ANKRD31: variants seen among roughly 807,000 people sequenced by gnomAD.
ANKRD31 encodes the protein ankyrin repeat domain-containing protein 31.
A neutral mutation model predicts 186.0 loss-of-function variants in ANKRD31; 147 were observed. The ratio of observed to expected loss-of-function variants is 0.79; its 90% CI spans 0.69 to 0.91. ANKRD31 has a LOEUF of 0.91. ANKRD31 is among the 40% of genes least tolerant of loss of function. The probability of loss-of-function intolerance (pLI) is 0.00; values close to 1 mark genes in which losing one functional copy is unlikely to be tolerated. For missense variants in ANKRD31, 1,986 were observed against 2,148.8 expected (o/e 0.92, Z 1.50); for synonymous variants, 673 against 736.4 (o/e 0.91, Z 1.39).
Position 75,196,139 on chromosome 5 carries a change from A to C in ANKRD31, c.509T>G (p.Val170Gly). 1 of 1,530,242 alleles carries C rather than the reference A, an allele frequency of 6.5e-7. No homozygotes were observed. The highest frequency in any genetic ancestry group is 1.2e-5 in the South Asian group (1 of 82,226). The allele number at this position is 1,530,242 out of a possible 1,614,324, so 94.8% of individuals were successfully genotyped here. A position where few individuals can be genotyped will look rare whatever the true frequency, so the allele number is the denominator to read the frequency against. ...CTCCTTTACAGCAACTGTATCAGAT[A>C]CTGTAATAGCAGTGCCTGAGAGAAG... Reference protein sequence around the residue: ...VSLLSGTAITVSDTVAVKETS... With the variant: ...VSLLSGTAITGSDTVAVKETS... Residue 170 changes from valine (V) to glycine (G), a missense_variant, in exon 7 of 26, where the codon GTA becomes GGA. Coordinates refer to ENST00000506364, the MANE Select transcript of ANKRD31 (RefSeq NM_001372053.1).
intron 10 of ANKRD31, among the ~76,000 whole-genome samples, chr5:75,171,984 A>C (rs990728076): frequency 1.5e-4 from 23 of 151,948 alleles, no homozygotes; most frequent in African/African-American, 5.1e-4. Context: ...TACACTGATA[A>C]TTATAAATCT....
intron 24 of ANKRD31, 69 bp from the exon 25 acceptor site, chr5:75,080,708 G>A: frequency 1.1e-6 from 1 of 901,732 alleles, no homozygotes; most frequent in South Asian, 2.1e-5. Flanking sequence ...AAATCAGGAT[G>A]ATGGTCACCC....
intron 3 of ANKRD31, 108 bp downstream of exon 3, chr5:75,222,141 G>T: frequency 1.3e-6 from 1 of 778,294 alleles, no homozygotes; most frequent in Non-Finnish European, 1.9e-6. Flanking sequence ...AAGAAAAGAG[G>T]AAAGAAGCAA....
chr5:75,196,021 T>G lies in ANKRD31; in HGVS notation c.627A>C (p.Glu209Asp), dbSNP rs1030329637. The G allele has an allele frequency of 6.5e-7, 1 of 1,533,642 alleles. No homozygotes were observed. The highest frequency in any genetic ancestry group is 1.4e-5 in the African/African-American group (1 of 72,718). ...KEVTMTMTSE[E>D]TKDEESSLET... Reference sequence around the variant, plus strand: ...CAAGAGAGCTTTCTTCATCCTTAGTTTCTTCAGAAGTCATGGTCATTGTGA... The same window carrying G: ...CAAGAGAGCTTTCTTCATCCTTAGTGTCTTCAGAAGTCATGGTCATTGTGA... Residue 209 changes from glutamate to aspartate, a missense_variant, in exon 7 of 26, where the codon GAA becomes GAC. Transcript: ENST00000506364.
At chr5:75,103,480 C>G (rs1356388766) in intron 22 of ANKRD31, among the ~76,000 whole-genome samples, 1 of 152,260 alleles carries the variant, frequency 6.6e-6, no homozygotes, top group South Asian at 2.1e-4. Context: ...ACCATTTGCC[C>G]CAGCAATCCA....
chr5:75,191,284 A>C (rs1313884418), intron 9 of ANKRD31, among the ~76,000 whole-genome samples: 1 of 152,128 alleles, frequency 6.6e-6, no homozygotes, highest in Admixed American at 6.5e-5. Flanking sequence ...TCTGTATTAC[A>C]TATCTTTCCC....
chr5:75,147,365 G>T lies in ANKRD31; in HGVS notation c.2046C>A (p.Tyr682Ter). The change falls in exon 14 of 26, where the codon TAC becomes TAA. Residue 682 changes from tyrosine to a stop codon, truncating the protein, a stop_gained. Coordinates refer to ENST00000506364, the MANE Select transcript of ANKRD31 (RefSeq NM_001372053.1). LOFTEE classifies it high-confidence loss of function. ...FINKEDVYEY[Y>*]QKDPKNTKFG... is the part of the protein sequence containing the mutation. Reference sequence around the variant, plus strand: ...ATTTTGTGTTTTTGGGATCTTTTTGGTAATATTCATATACATCTTCTTTAT... The same window carrying T: ...ATTTTGTGTTTTTGGGATCTTTTTGTTAATATTCATATACATCTTCTTTAT... 1 of 1,531,318 alleles carries T rather than the reference G, an allele frequency of 6.5e-7. No individual in the cohort carries two copies. The highest frequency in any genetic ancestry group is 8.7e-7 in the Non-Finnish European group (1 of 1,144,386). The allele number at this position is 1,531,318 out of a possible 1,614,324, so 94.9% of individuals were successfully genotyped here. A position where few individuals can be genotyped will look rare whatever the true frequency, so the allele number is the denominator to read the frequency against.
intron 12 of ANKRD31, among the ~76,000 whole-genome samples, chr5:75,153,670 A>T (rs988613602): frequency 2.6e-5 from 4 of 152,148 alleles, no homozygotes; most frequent in Non-Finnish European, 5.9e-5. Flanking sequence ...ATGAATGTAG[A>T]GTTGTTACCA....
At chr5:75,125,646 C>CA (rs923083573) in intron 17 of ANKRD31, among the ~76,000 whole-genome samples, 1 of 151,932 alleles carries the variant, frequency 6.6e-6, no homozygotes, top group African/African-American at 2.4e-5. Context: ...CTTTAATATA[C>CA]AAAAAAAGAT....
At chr5:75,131,133 C>T (rs1051325442) in intron 17 of ANKRD31, among the ~76,000 whole-genome samples, 1 of 152,176 alleles carries the variant, frequency 6.6e-6, no homozygotes, top group Non-Finnish European at 1.5e-5. Context: ...GCACCACACG[C>T]AGCCCCAGCT....
chr5:75,196,068 A>C lies in ANKRD31; in HGVS notation c.580T>G (p.Phe194Val). The C allele has an allele frequency of 1.3e-6, 2 of 1,536,770 alleles. No individual in the cohort carries two copies. Among genetic ancestry groups the C allele is most frequent in the South Asian group, 1.2e-5 (1 of 83,974 alleles). Reference sequence around the variant, plus strand: ...GTGACTTCCTTTCTAGGCTCAAAAAATGTATTTGGTGCTGCTAAAATCTTC... The same window carrying C: ...GTGACTTCCTTTCTAGGCTCAAAAACTGTATTTGGTGCTGCTAAAATCTTC... ...PEKILAAPNT[F>V]FEPRKEVTMT... The change falls in exon 7 of 26, where the codon TTT becomes GTT. Residue 194 changes from phenylalanine to valine, a missense_variant. Transcript: ENST00000506364.
chr5:75,110,029 C>T (rs2150067589), intron 20 of ANKRD31, among the ~76,000 whole-genome samples: 1 of 152,234 alleles, frequency 6.6e-6, no homozygotes, highest in Admixed American at 6.5e-5. Flanking sequence ...TAGTTACCAT[C>T]CAAGAGCTCC....
chr5:75,138,866 A>C lies in ANKRD31; in HGVS notation c.3713T>G (p.Val1238Gly), dbSNP rs1301199651. The C allele has an allele frequency of 3.9e-6, 6 of 1,536,268 alleles. No homozygotes were observed. The South Asian group carries it at 6.0e-5, about 15-fold the overall frequency. The change falls in exon 16 of 26, where the codon GTG becomes GGG. Residue 1238 changes from valine to glycine, a missense_variant. Coordinates refer to ENST00000506364, the MANE Select transcript of ANKRD31 (RefSeq NM_001372053.1). ...VKALIESGAD[V>G]NLNDNAGWTP... ...CAAACCTGCATTATCATTTAGATTC[A>C]CATCTGCTCCAGATTCTATCAGGGC...
chr5:75,142,654 A>T (rs543942370), intron 15 of ANKRD31, among the ~76,000 whole-genome samples: 1 of 152,208 alleles, frequency 6.6e-6, no homozygotes, highest in South Asian at 2.1e-4. Context: ...GTTCATTCAT[A>T]TTTTAGTGAG....
At chr5:75,155,049 C>T (rs1752075478) in intron 11 of ANKRD31, among the ~76,000 whole-genome samples, 1 of 152,032 alleles carries the variant, frequency 6.6e-6, no homozygotes, top group Non-Finnish European at 1.5e-5. Context: ...TCCTAGTGTA[C>T]TCTAACTTTC....
intron 19 of ANKRD31, 60 bp from the exon 20 acceptor site, chr5:75,112,660 C>T: frequency 9.5e-7 from 1 of 1,054,542 alleles, no homozygotes; most frequent in Non-Finnish European, 1.3e-6. Context: ...CTCTGATATG[C>T]CATTGACAAA....
intron 23 of ANKRD31, among the ~76,000 whole-genome samples, chr5:75,087,875 C>CA (rs1378462048): frequency 5.3e-5 from 8 of 152,202 alleles, no homozygotes; most frequent in Non-Finnish European, 1.2e-4. Flanking sequence ...AGCTCACCTT[C>CA]ATGGTACCAA....
intron 17 of ANKRD31, among the ~76,000 whole-genome samples, chr5:75,131,549 A>AGGCT (rs1453185263): frequency 6.6e-6 from 1 of 152,162 alleles, no homozygotes; most frequent in Non-Finnish European, 1.5e-5. Context: ...AGCTCAAGGA[A>AGGCT]GGCTGCCTGC....
chr5:75,091,703 T>C (rs1448953425), intron 22 of ANKRD31, among the ~76,000 whole-genome samples: 3 of 152,188 alleles, frequency 2.0e-5, no homozygotes, highest in East Asian at 1.9e-4. Flanking sequence ...TAGATTGCTG[T>C]AGTCAAGACT....
Sources: allele counts gnomAD v4.1 joint callset (sites outside exome capture counted in the v4.1 genomes callset), GRCh38; gene constraint gnomAD v4.1.1; transcripts MANE v1.5; gene names NCBI Gene and HGNC (gene_info 2026-07-23, HGNC 2026-07-21).